The following PARD3 variants were observed in gnomAD, a reference collection of about 807,000 sequenced individuals.
The protein encoded by PARD3 is par-3 family cell polarity regulator, also known as partitioning defective 3 homolog.
Under a neutral mutation model 155.4 loss-of-function variants are expected in PARD3, and 75 were observed. The ratio of observed to expected loss-of-function variants is 0.48; its 90% confidence interval spans 0.40 to 0.58. The LOEUF (loss-of-function observed/expected upper bound fraction) is 0.58, where lower values mean the gene tolerates loss of function less well. PARD3 is among the 20% of genes least tolerant of loss of function. PARD3 has a pLI of 0.00. For missense variants in PARD3, 1,642 were observed against 1,721.7 expected, an observed-to-expected ratio of 0.95 and a Z score of 0.82; for synonymous variants, 576 against 610.5, an observed-to-expected ratio of 0.94 and a Z score of 0.83.
At chr10:34,237,591 AG>A (rs1953315769) in intron 22 of PARD3, among the ~76,000 whole-genome samples, 1 of 152,214 alleles carries the variant, frequency 6.6e-6, no homozygotes, top group Non-Finnish European at 1.5e-5. Flanking sequence ...TTCAAAAGGC[AG>A]GAAGTAAATC....
intron 2 of PARD3, among the ~76,000 whole-genome samples, chr10:34,674,346 T>C (rs926404254): frequency 6.6e-6 from 1 of 152,172 alleles, no homozygotes; most frequent in South Asian, 2.1e-4. Context: ...TAAACATGAC[T>C]GTAGAACTGC....
chr10:34,172,989 T>A (rs1210740030), intron 22 of PARD3, among the ~76,000 whole-genome samples: 1 of 152,206 alleles, frequency 6.6e-6, no homozygotes, highest in East Asian at 1.9e-4. Context: ...CGGGAAATCC[T>A]TTTATGAAAT....
At position 34,238,771 on chromosome 10, in the gene PARD3, G is replaced by A. The variant is rs184944648; in HGVS notation, c.3419+30886C>T. On this transcript the variant is annotated intron_variant, in intron 22 of 24. Coordinates refer to ENST00000374788, the MANE Select transcript of PARD3 (RefSeq NM_001184785.2). ...TTCTAACTCACTCCACCTCCTATAA[G>A]AAAGATTCTGAGTAACTCATAAAAT... Among the ~76,000 whole-genome samples, 446 of 152,240 alleles carry A rather than the reference G, an allele frequency of 2.9e-3. 3 individuals are homozygous for A. Among genetic ancestry groups the A allele is most frequent in the East Asian group, 0.013 (65 of 5,174 alleles).
intron 5 of PARD3, among the ~76,000 whole-genome samples, chr10:34,448,819 A>T (rs942911100): frequency 2.0e-5 from 3 of 152,120 alleles, no homozygotes; most frequent in Non-Finnish European, 4.4e-5. Flanking sequence ...AAATTAAATT[A>T]AATTAAATTT....
At chr10:34,344,373 C>T in intron 15 of PARD3, 1 of 783,176 alleles carries the variant, frequency 1.3e-6, no homozygotes, top group South Asian at 5.8e-5. Flanking sequence ...AGCTCTGCCT[C>T]CTGGGTTTAA....
chr10:34,712,225 A>G lies in PARD3; in HGVS notation c.121-15806T>C, dbSNP rs112485599. On this transcript the variant is annotated intron_variant, in intron 1 of 24. Coordinates refer to ENST00000374788, the MANE Select transcript of PARD3 (RefSeq NM_001184785.2). ...TGTTACCTGATGAACTGGTAGACAG[A>G]AAACAGAAGGCTTTACTGAGGGAAG... Among the ~76,000 whole-genome samples, 957 of 152,338 alleles carry G rather than the reference A, an allele frequency of 6.3e-3. 8 individuals are homozygous for G. The highest frequency in any genetic ancestry group is 0.022 in the African/African-American group (906 of 41,572).
chr10:34,413,892 C>T (rs966480042), intron 5 of PARD3, among the ~76,000 whole-genome samples: 3 of 152,174 alleles, frequency 2.0e-5, no homozygotes, highest in African/African-American at 7.2e-5. Context: ...CTAGTAATAA[C>T]ATTGCAAATG....
intron 1 of PARD3, among the ~76,000 whole-genome samples, chr10:34,753,511 C>A (rs757567953): frequency 6.6e-6 from 1 of 152,226 alleles, no homozygotes; most frequent in Non-Finnish European, 1.5e-5. Context: ...GCCACATGGA[C>A]AACACAGAAA....
chr10:34,735,744 T>C (rs1267297506), intron 1 of PARD3, among the ~76,000 whole-genome samples: 2 of 152,212 alleles, frequency 1.3e-5, no homozygotes, highest in Non-Finnish European at 2.9e-5. Flanking sequence ...CCCCCCTTAT[T>C]TTTTATTCCT....
chr10:34,399,448 T>C, intron 6 of PARD3, 35 bp from the exon 7 acceptor site: 1 of 1,411,752 alleles, frequency 7.1e-7, no homozygotes, highest in Non-Finnish European at 1.0e-6. Context: ...AGCATGAACG[T>C]GTACTGTAAA....
chr10:34,337,084 T>C (rs1450193948), intron 17 of PARD3, among the ~76,000 whole-genome samples, 191 bp downstream of exon 17: 1 of 152,212 alleles, frequency 6.6e-6, no homozygotes, highest in African/African-American at 2.4e-5. Flanking sequence ...TTGCATATTA[T>C]GTAAACATGC....
At chr10:34,777,004 T>A (rs942266981) in intron 1 of PARD3, among the ~76,000 whole-genome samples, 5 of 97,648 alleles carry the variant, frequency 5.1e-5, no homozygotes, top group Non-Finnish European at 9.2e-5. Flanking sequence ...GTCTGGCTAA[T>A]TTTTTTTTTT....
chr10:34,457,796 T>C (rs898075137), intron 4 of PARD3, among the ~76,000 whole-genome samples: 3 of 152,142 alleles, frequency 2.0e-5, no homozygotes, highest in Admixed American at 1.3e-4. Context: ...AGACAAAGTC[T>C]CACTATATTG....
chr10:34,272,185 T>C lies in PARD3; in HGVS notation c.3177-2286A>G, dbSNP rs142844882. Among the ~76,000 whole-genome samples, 868 of 152,296 alleles carry C rather than the reference T, an allele frequency of 5.7e-3. 6 individuals are homozygous for C. The highest frequency in any genetic ancestry group is 6.9e-3 in the Non-Finnish European group (467 of 68,020). ...TCAAAATGGGTCACAGGTTTAAATGTAAATGTAAAAGTATAAAACTTAAGA... is the reference window on the plus strand; with the variant it reads ...TCAAAATGGGTCACAGGTTTAAATGCAAATGTAAAAGTATAAAACTTAAGA... On this transcript the variant is annotated intron_variant, in intron 21 of 24. Transcript: ENST00000374788.
chr10:34,189,082 A>C (rs1057105102), intron 22 of PARD3, among the ~76,000 whole-genome samples: 1 of 152,182 alleles, frequency 6.6e-6, no homozygotes, highest in Non-Finnish European at 1.5e-5. Flanking sequence ...CTGTAATCTC[A>C]GTGCTTTGGG....
intron 22 of PARD3, among the ~76,000 whole-genome samples, chr10:34,173,992 C>T (rs1949920511): frequency 6.6e-6 from 1 of 152,126 alleles, no homozygotes; most frequent in Non-Finnish European, 1.5e-5. Flanking sequence ...CACTGCTGCA[C>T]CCCCAAGGCA....
intron 15 of PARD3, chr10:34,346,021 A>G (rs1031314080): frequency 6.1e-6 from 6 of 985,222 alleles, no homozygotes; most frequent in East Asian, 2.3e-4. Context: ...AAAAACATCA[A>G]TTTAGCCTAC....
intron 5 of PARD3, among the ~76,000 whole-genome samples, chr10:34,426,905 A>T (rs1277481816): frequency 6.6e-6 from 1 of 152,210 alleles, no homozygotes; most frequent in African/African-American, 2.4e-5. Flanking sequence ...TAATACTTTT[A>T]TAATTTCTTA....
chr10:34,716,198 CGT>C (rs2094517130), intron 1 of PARD3, among the ~76,000 whole-genome samples: 1 of 152,154 alleles, frequency 6.6e-6, no homozygotes, highest in African/African-American at 2.4e-5. Flanking sequence ...AAATGTAATG[CGT>C]GTGCCTTCAG....
Sources: gnomAD v4.1 joint callset for allele counts (sites outside exome capture counted in the v4.1 genomes callset) on GRCh38, gnomAD v4.1.1 for gene constraint, MANE v1.5 for transcripts, NCBI Gene and HGNC (gene_info 2026-07-23, HGNC 2026-07-21) for gene names.